The following DNAH11 variants were observed in gnomAD, a reference collection of about 807,000 sequenced individuals.
DNAH11 encodes the protein dynein axonemal heavy chain 11.
Under a neutral mutation model 526.0 loss-of-function variants are expected in DNAH11, and 442 were observed. The ratio of observed to expected loss-of-function variants is 0.84; its 90% CI spans 0.78 to 0.91. The LOEUF (loss-of-function observed/expected upper bound fraction) is 0.91, where lower values mean the gene tolerates loss of function less well. Ranked by LOEUF, DNAH11 falls within the 40% of genes least tolerant of loss-of-function variation. The pLI is 0.00. For missense variants in DNAH11, 6,989 were observed against 5,448.7 expected (o/e 1.28, Z -8.90); for synonymous variants, 2,461 against 1,935.9 (o/e 1.27, Z -7.12).
intron 63 of DNAH11, among the ~76,000 whole-genome samples, chr7:21,812,228 A>C (rs1168642373): frequency 2.0e-5 from 3 of 152,194 alleles, no homozygotes; most frequent in African/African-American, 7.2e-5. Context: ...AAGATGGGGA[A>C]ATAGATTGGA....
intron 34 of DNAH11, among the ~76,000 whole-genome samples, chr7:21,689,125 G>C (rs1376021374): frequency 6.6e-6 from 1 of 152,154 alleles, no homozygotes; most frequent in Non-Finnish European, 1.5e-5. Context: ...TTTGTGTTCA[G>C]GTGTCTGTTT....
At chr7:21,709,150 A>C (rs771081078) in intron 40 of DNAH11, among the ~76,000 whole-genome samples, 1 of 152,238 alleles carries the variant, frequency 6.6e-6, no homozygotes, top group Non-Finnish European at 1.5e-5. Context: ...AGCACTATTC[A>C]CAATAGCAAA....
At chr7:21,798,341 C>T (rs1788810456) in intron 61 of DNAH11, among the ~76,000 whole-genome samples, 1 of 152,186 alleles carries the variant, frequency 6.6e-6, no homozygotes, top group Non-Finnish European at 1.5e-5. Context: ...GGTGATCCAC[C>T]TGCCTCGGCC....
chr7:21,628,203 G>C (rs1786440834), intron 25 of DNAH11, among the ~76,000 whole-genome samples: 2 of 151,712 alleles, frequency 1.3e-5, no homozygotes, highest in African/African-American at 4.8e-5. Context: ...GGAGTCTTTA[G>C]GTTTTTCTAA....
intron 66 of DNAH11, among the ~76,000 whole-genome samples, chr7:21,850,200 CA>C: frequency 6.7e-6 from 1 of 148,504 alleles, no homozygotes; most frequent in South Asian, 2.1e-4. Context: ...ACTAAAAATA[CA>C]AAAAATTAGC....
chr7:21,804,407 C>T (rs539152315), intron 62 of DNAH11, among the ~76,000 whole-genome samples: 9 of 152,276 alleles, frequency 5.9e-5, no homozygotes, highest in Non-Finnish European at 1.0e-4. Context: ...CCGTGCCCAG[C>T]CTATAGTACA....
chr7:21,644,864 A>G (rs1414037861), intron 28 of DNAH11, among the ~76,000 whole-genome samples: 1 of 152,238 alleles, frequency 6.6e-6, no homozygotes. Flanking sequence ...GAAAATAGAG[A>G]ATCTACTTTC....
chr7:21,702,581 T>C (rs1001426867), intron 36 of DNAH11, 129 bp from the exon 37 acceptor site: 7 of 699,036 alleles, frequency 1.0e-5, no homozygotes, highest in Middle Eastern at 5.9e-4. Flanking sequence ...CAGAAGAAAA[T>C]AGTATTTTGA....
chr7:21,831,598 C>A (rs1358445243), intron 65 of DNAH11, among the ~76,000 whole-genome samples: 1 of 152,038 alleles, frequency 6.6e-6, no homozygotes, highest in East Asian at 1.9e-4. Context: ...GCAGCATCCT[C>A]CCCCCCTCTA....
chr7:21,625,428 AT>A (rs1247305878), intron 25 of DNAH11, among the ~76,000 whole-genome samples: 1 of 151,562 alleles, frequency 6.6e-6, no homozygotes, highest in Non-Finnish European at 1.5e-5. Flanking sequence ...AGGTTTGTTG[AT>A]TTTGTTTACT....
chr7:21,892,764 CT>C, intron 77 of DNAH11, 97 bp downstream of exon 77: 1 of 1,348,140 alleles, frequency 7.4e-7, no homozygotes. Context: ...AAGTTTTTAC[CT>C]AGGTTTTACT....
At chr7:21,811,589 G>T (rs1318172382) in intron 63 of DNAH11, among the ~76,000 whole-genome samples, 2 of 152,146 alleles carry the variant, frequency 1.3e-5, no homozygotes, top group Admixed American at 6.5e-5. Flanking sequence ...GGGAGTTATT[G>T]TTTAATAGGT....
intron 20 of DNAH11, among the ~76,000 whole-genome samples, chr7:21,614,393 C>T (rs1785672306): frequency 1.3e-5 from 2 of 152,142 alleles, no homozygotes; most frequent in East Asian, 1.9e-4. Context: ...ATGACTGAAC[C>T]TGAAGGATTG....
intron 39 of DNAH11, among the ~76,000 whole-genome samples, chr7:21,706,347 G>A (rs1784261758): frequency 6.6e-6 from 1 of 151,870 alleles, no homozygotes; most frequent in Non-Finnish European, 1.5e-5. Context: ...AACATACTTG[G>A]TAGCCAGCAG....
intron 74 of DNAH11, among the ~76,000 whole-genome samples, chr7:21,876,074 C>T (rs781540151): frequency 7.9e-5 from 12 of 151,714 alleles, no homozygotes; most frequent in Admixed American, 6.6e-4. Context: ...TTAGTAGAGA[C>T]GGGGTTTCAC....
intron 40 of DNAH11, 90 bp from the exon 41 acceptor site, chr7:21,710,463 C>A: frequency 8.3e-7 from 1 of 1,209,242 alleles, no homozygotes. Flanking sequence ...GCAGCAAAAT[C>A]GTTTTTATTT....
intron 73 of DNAH11, among the ~76,000 whole-genome samples, chr7:21,870,596 A>G (rs934100615): frequency 1.3e-5 from 2 of 152,188 alleles, no homozygotes; most frequent in African/African-American, 4.8e-5. Flanking sequence ...AGTGGCTCAG[A>G]CTGGAGAGAA....
chr7:21,610,828 A>G (rs1255180791), intron 20 of DNAH11, among the ~76,000 whole-genome samples: 1 of 152,240 alleles, frequency 6.6e-6, no homozygotes, highest in Non-Finnish European at 1.5e-5. Context: ...AGGTGTAAGG[A>G]GATGGAAAAT....
At chr7:21,861,771 A>G (rs1284168437) in intron 68 of DNAH11, 82 bp from the exon 69 acceptor site, 2 of 1,548,486 alleles carry the variant, frequency 1.3e-6, no homozygotes, top group South Asian at 2.4e-5. Context: ...GATAAACCTT[A>G]AACTGTTGCC....
Sources: allele counts gnomAD v4.1 joint callset (sites outside exome capture counted in the v4.1 genomes callset), GRCh38; gene constraint gnomAD v4.1.1; transcripts MANE v1.5; gene names NCBI Gene and HGNC (gene_info 2026-07-23, HGNC 2026-07-21).